PTPRT: variants seen among roughly 807,000 people sequenced by gnomAD.
PTPRT encodes the protein receptor-type tyrosine-protein phosphatase T.
In PTPRT, 56 loss-of-function variants were observed where a neutral mutation model predicts 176.8. The ratio of observed to expected loss-of-function variants is 0.32; its 90% CI spans 0.26 to 0.40. The LOEUF (loss-of-function observed/expected upper bound fraction) is 0.40, where lower values mean the gene tolerates loss of function less well. Among genes scored for constraint, PTPRT ranks in the 10% least tolerant of loss-of-function variants. PTPRT has a pLI of 1.00. For missense variants in PTPRT, 1,540 were observed against 1,908.2 expected, an observed-to-expected ratio of 0.81 and a Z score of 3.60; for synonymous variants, 783 against 739.0, an observed-to-expected ratio of 1.06 and a Z score of -0.96.
At chr20:42,223,340 A>G (rs1167776820) in intron 15 of PTPRT, among the ~76,000 whole-genome samples, 2 of 152,118 alleles carry the variant, frequency 1.3e-5, no homozygotes, top group African/African-American at 2.4e-5. Flanking sequence ...ATTGTCCCCA[A>G]TTTACAGATG....
At chr20:42,423,019 A>G (rs6016788) in intron 9 of PTPRT, among the ~76,000 whole-genome samples, 3,048 of 152,060 alleles carry the variant, frequency 0.02, 110 homozygotes, top group African/African-American at 0.068. Flanking sequence ...ACATAGAGGG[A>G]CACAACACAC....
chr20:42,999,956 T>C (rs1389721903), intron 1 of PTPRT, among the ~76,000 whole-genome samples: 1 of 151,594 alleles, frequency 6.6e-6, no homozygotes, highest in Admixed American at 6.6e-5. Context: ...CACAATGAGA[T>C]GGGATATGCC....
intron 1 of PTPRT, among the ~76,000 whole-genome samples, chr20:42,898,487 C>T (rs755643089): frequency 3.3e-5 from 5 of 152,180 alleles, no homozygotes; most frequent in Non-Finnish European, 7.3e-5. Context: ...GGATTATAGG[C>T]ACTGTCCCCC....
intron 12 of PTPRT, among the ~76,000 whole-genome samples, chr20:42,313,289 CTCTG>C (rs1174429323): frequency 1.3e-5 from 2 of 152,170 alleles, no homozygotes; most frequent in Non-Finnish European, 2.9e-5. Context: ...CTCAGGGATG[CTCTG>C]TCTATGAAGT....
At chr20:42,221,755 G>A (rs2055891845) in intron 15 of PTPRT, among the ~76,000 whole-genome samples, 1 of 152,060 alleles carries the variant, frequency 6.6e-6, no homozygotes, top group Non-Finnish European at 1.5e-5. Context: ...CTGACCTCAA[G>A]TGATCCACCC....
chr20:42,429,897 G>A (rs1230030552), intron 9 of PTPRT, among the ~76,000 whole-genome samples: 3 of 152,210 alleles, frequency 2.0e-5, no homozygotes, highest in Non-Finnish European at 2.9e-5. Context: ...TGGCTGTAAT[G>A]TAAAGTCTGT....
intron 12 of PTPRT, among the ~76,000 whole-genome samples, chr20:42,312,338 T>A (rs1455478352): frequency 6.6e-6 from 1 of 152,174 alleles, no homozygotes; most frequent in Non-Finnish European, 1.5e-5. Flanking sequence ...ATTATAACAC[T>A]TTCTCCTCAA....
At chr20:42,896,646 A>AG in intron 1 of PTPRT, among the ~76,000 whole-genome samples, 1 of 151,966 alleles carries the variant, frequency 6.6e-6, no homozygotes, top group Non-Finnish European at 1.5e-5. Context: ...AAAAAAAAAA[A>AG]AAAAAAAAAT....
chr20:42,537,209 G>T (rs2072492518), intron 7 of PTPRT, among the ~76,000 whole-genome samples: 2 of 152,142 alleles, frequency 1.3e-5, no homozygotes, highest in Non-Finnish European at 2.9e-5. Flanking sequence ...GATGAAGCCT[G>T]CAAATATATA....
chr20:42,118,532 A>C, intron 20 of PTPRT, 32 bp from the exon 21 acceptor site: 1 of 1,564,816 alleles, frequency 6.4e-7, no homozygotes, highest in Non-Finnish European at 8.7e-7. Context: ...AGGTTAGAGA[A>C]TGCAAGTGCA....
intron 1 of PTPRT, among the ~76,000 whole-genome samples, chr20:42,891,132 CA>C (rs1306407747): frequency 2.6e-5 from 4 of 152,314 alleles, no homozygotes; most frequent in African/African-American, 9.6e-5. Flanking sequence ...CGGACTAATA[CA>C]GTCCCCAAAG....
At chr20:42,627,879 C>G (rs1180044013) in intron 7 of PTPRT, among the ~76,000 whole-genome samples, 1 of 152,054 alleles carries the variant, frequency 6.6e-6, no homozygotes, top group Non-Finnish European at 1.5e-5. Flanking sequence ...TAAGGATGAT[C>G]AGTAACGAAT....
Position 42,106,082 on chromosome 20 carries a change from A to T in PTPRT, c.3390+704T>A, listed in dbSNP as rs115828489. Among the ~76,000 whole-genome samples, 1,048 of 152,316 alleles carry T rather than the reference A, an allele frequency of 6.9e-3. 8 individuals carry two copies. The highest frequency in any genetic ancestry group is 0.024 in the African/African-American group (992 of 41,560). On this transcript the variant is annotated intron_variant, in intron 24 of 30. Transcript: ENST00000373187. The stretch of plus-strand genomic sequence containing the variant: ...CAGTCTGGTATGTGAGGTCTTAGGG[A>T]CACAATTTCTTAGTTTCTTCTTCAT...
intron 11 of PTPRT, among the ~76,000 whole-genome samples, chr20:42,338,973 C>G (rs551792147): frequency 3.9e-5 from 6 of 152,104 alleles, no homozygotes; most frequent in African/African-American, 1.4e-4. Context: ...AAAACTGGCC[C>G]GGGGGGACAA....
intron 19 of PTPRT, among the ~76,000 whole-genome samples, chr20:42,120,549 C>G (rs1412551866): frequency 6.6e-6 from 1 of 152,134 alleles, no homozygotes; most frequent in African/African-American, 2.4e-5. Context: ...CCTGGGAGAC[C>G]CATAAAGATA....
chr20:42,489,996 T>C (rs1288649868), intron 7 of PTPRT, among the ~76,000 whole-genome samples: 1 of 152,238 alleles, frequency 6.6e-6, no homozygotes, highest in Non-Finnish European at 1.5e-5. Flanking sequence ...AACCATTTGC[T>C]TACTATTCAG....
At chr20:42,922,969 C>A (rs1979254331) in intron 1 of PTPRT, among the ~76,000 whole-genome samples, 1 of 152,096 alleles carries the variant, frequency 6.6e-6, no homozygotes, top group Non-Finnish European at 1.5e-5. Context: ...GGCATCCCAC[C>A]CCTGTGGTTC....
intron 7 of PTPRT, among the ~76,000 whole-genome samples, chr20:42,591,797 T>C (rs1483647473): frequency 6.6e-6 from 1 of 152,058 alleles, no homozygotes; most frequent in Non-Finnish European, 1.5e-5. Context: ...GAACCTCAAT[T>C]TTCCCATCAG....
chr20:42,709,792 A>G (rs2076117085), intron 6 of PTPRT, among the ~76,000 whole-genome samples: 1 of 152,166 alleles, frequency 6.6e-6, no homozygotes, highest in Admixed American at 6.5e-5. Flanking sequence ...GAGACTTGTT[A>G]AGTGGTTGTG....
Sources: allele counts gnomAD v4.1 joint callset (sites outside exome capture counted in the v4.1 genomes callset), GRCh38; gene constraint gnomAD v4.1.1; transcripts MANE v1.5; gene names NCBI Gene and HGNC (gene_info 2026-07-23, HGNC 2026-07-21).